SRPK2: variants seen among roughly 807,000 people sequenced by gnomAD.
The protein encoded by SRPK2 is SRSF protein kinase 2.
SRPK2 carries 21 observed loss-of-function variants against 90.8 expected under a neutral mutation model. The observed-to-expected ratio is 0.23, with a 90% CI of 0.16 to 0.33. The LOEUF (loss-of-function observed/expected upper bound fraction) is 0.33. SRPK2 is among the 10% of genes least tolerant of loss of function. The probability of loss-of-function intolerance (pLI) is 1.00; values close to 1 mark genes in which losing one functional copy is unlikely to be tolerated. For synonymous variants in SRPK2, 288 were observed against 311.1 expected, an observed-to-expected ratio of 0.93 and a Z score of 0.78; for missense variants, 620 against 869.0, an observed-to-expected ratio of 0.71 and a Z score of 3.60.
chr7:105,203,740 C>T lies in SRPK2; in HGVS notation c.117G>A (p.Pro39=), dbSNP rs150640356. The T allele has an allele frequency of 3.1e-5, 39 of 1,259,266 alleles. No homozygotes were observed. Among genetic ancestry groups the T allele is most frequent in the African/African-American group, 2.7e-4 (18 of 66,090 alleles). 78.0% of individuals were successfully genotyped at this position (1,259,266 alleles called of 1,614,324 possible). Reference sequence around the variant, plus strand: ...AAGGTGGCGGTGGTGGTGGTGGTGGCGGTGGAGGAGGAGGAACTAAAGGAG... The same window carrying T: ...AAGGTGGCGGTGGTGGTGGTGGTGGTGGTGGAGGAGGAGGAACTAAAGGAG... The part of the protein sequence containing the change: ...QKAPLVPPPP[P]PPPPPPPPLP... Residue 39 remains proline (P), a synonymous_variant, in exon 3 of 16, where the codon CCG becomes CCA. Transcript: ENST00000393651.
At chr7:105,207,326 T>C (rs904370038) in intron 2 of SRPK2, among the ~76,000 whole-genome samples, 2 of 152,134 alleles carry the variant, frequency 1.3e-5, no homozygotes, top group Non-Finnish European at 2.9e-5. Flanking sequence ...TAAAGTGGTT[T>C]CTGATGGCTT....
chr7:105,151,869 CAAAA>C (rs989005488), intron 7 of SRPK2, among the ~76,000 whole-genome samples: 36 of 152,046 alleles, frequency 2.4e-4, no homozygotes, highest in African/African-American at 8.4e-4. Context: ...ACTAAAAATA[CAAAA>C]ATAAGCCAGG....
At chr7:105,146,804 C>T (rs1316770769) in intron 7 of SRPK2, 146 bp from the exon 8 acceptor site, 13 of 798,504 alleles carry the variant, frequency 1.6e-5, no homozygotes, top group Admixed American at 1.1e-4. Flanking sequence ...CCCTCCCATG[C>T]CTACCCACAT....
At chr7:105,390,868 T>G (rs1822162238), upstream of SRPK2, among the ~76,000 whole-genome samples, 1 of 152,206 alleles carries the variant, frequency 6.6e-6, no homozygotes, top group Non-Finnish European at 1.5e-5. Context: ...TATGATTAGA[T>G]TCAAGTTAAA....
chr7:105,259,372 G>A (rs2129795415), intron 2 of SRPK2, among the ~76,000 whole-genome samples: 1 of 152,292 alleles, frequency 6.6e-6, no homozygotes, highest in South Asian at 2.1e-4. Context: ...ACTGCTGAAT[G>A]AAATAAAAGA....
At chr7:105,161,659 C>G (rs1807677760) in intron 6 of SRPK2, among the ~76,000 whole-genome samples, 1 of 152,188 alleles carries the variant, frequency 6.6e-6, no homozygotes, top group African/African-American at 2.4e-5. Context: ...TGACATGAAA[C>G]AAATACAGAG....
intron 2 of SRPK2, among the ~76,000 whole-genome samples, chr7:105,249,056 C>T (rs1235697337): frequency 3.3e-5 from 5 of 152,176 alleles, no homozygotes; most frequent in African/African-American, 9.7e-5. Flanking sequence ...CATCACACCT[C>T]GTCTCTCAGC....
chr7:105,387,971 C>T (rs1006330679), intron 2 of SRPK2, among the ~76,000 whole-genome samples: 4 of 152,222 alleles, frequency 2.6e-5, no homozygotes, highest in Non-Finnish European at 5.9e-5. Context: ...CCTGCGCAGC[C>T]CGCGACCCCG....
intron 3 of SRPK2, 40 bp from the exon 4 acceptor site, chr7:105,169,305 C>G (rs769816168): frequency 6.8e-7 from 1 of 1,460,140 alleles, no homozygotes; most frequent in Non-Finnish European, 9.6e-7. Context: ...TCAAAATATT[C>G]GAAAAGTAGT....
chr7:105,327,221 T>C (rs549004760), intron 2 of SRPK2, among the ~76,000 whole-genome samples: 2 of 120,762 alleles, frequency 1.7e-5, no homozygotes, highest in Middle Eastern at 4.4e-3. Context: ...TTTGTTTTAA[T>C]GGTTGGGGAA....
intron 2 of SRPK2, among the ~76,000 whole-genome samples, chr7:105,308,379 T>C (rs1286781638): frequency 6.6e-6 from 1 of 152,180 alleles, no homozygotes; most frequent in African/African-American, 2.4e-5. Flanking sequence ...TGTGTTTATG[T>C]GCAAAAATGT....
chr7:105,170,094 C>A (rs765606628), intron 3 of SRPK2, among the ~76,000 whole-genome samples: 1 of 152,158 alleles, frequency 6.6e-6, no homozygotes, highest in Admixed American at 6.5e-5. Flanking sequence ...GGATTATAGG[C>A]ATGAGCCACC....
chr7:105,211,565 G>T (rs114113976), intron 2 of SRPK2, among the ~76,000 whole-genome samples: 2,206 of 152,138 alleles, frequency 0.015, 29 homozygotes, highest in African/African-American at 0.038. Flanking sequence ...GAGTGAGAGT[G>T]AGGGGGGAGG....
intron 2 of SRPK2, among the ~76,000 whole-genome samples, chr7:105,319,865 T>A (rs1226127333): frequency 6.6e-6 from 1 of 151,710 alleles, no homozygotes; most frequent in Non-Finnish European, 1.5e-5. Context: ...CCCCCCTTTT[T>A]TTTTTTTTTT....
At chr7:105,367,268 T>C (rs1819182884) in intron 2 of SRPK2, among the ~76,000 whole-genome samples, 1 of 151,532 alleles carries the variant, frequency 6.6e-6, no homozygotes, top group Admixed American at 6.6e-5. Context: ...GGGCTTTGTT[T>C]TGTTTTGTTT....
intron 2 of SRPK2, among the ~76,000 whole-genome samples, chr7:105,360,322 G>T (rs1818284479): frequency 1.3e-5 from 2 of 152,172 alleles, no homozygotes; most frequent in African/African-American, 4.8e-5. Context: ...GATAGGTCTT[G>T]ACTCTCTATC....
At chr7:105,290,665 A>G (rs1309541242) in intron 2 of SRPK2, among the ~76,000 whole-genome samples, 1 of 152,192 alleles carries the variant, frequency 6.6e-6, no homozygotes, top group Non-Finnish European at 1.5e-5. Flanking sequence ...CTCTGTCTCA[A>G]CAAAAAATAC....
chr7:105,288,769 G>C (rs189533959), intron 2 of SRPK2, among the ~76,000 whole-genome samples: 3 of 152,144 alleles, frequency 2.0e-5, no homozygotes, highest in African/African-American at 7.2e-5. Flanking sequence ...TCTATAAGTA[G>C]AGCCATCCTC....
chr7:105,367,254 C>T (rs1362387678), intron 2 of SRPK2, among the ~76,000 whole-genome samples: 1 of 151,800 alleles, frequency 6.6e-6, no homozygotes, highest in Non-Finnish European at 1.5e-5. Flanking sequence ...TAACTGGCAT[C>T]ACAGGGCTTT....
Sources: gnomAD v4.1 joint callset for allele counts (sites outside exome capture counted in the v4.1 genomes callset) on GRCh38, gnomAD v4.1.1 for gene constraint, MANE v1.5 for transcripts, NCBI Gene and HGNC (gene_info 2026-07-23, HGNC 2026-07-21) for gene names.